SESTD1: variants seen among roughly 807,000 people sequenced by gnomAD.
SESTD1 encodes SEC14 domain and spectrin repeat-containing protein 1.
Under a neutral mutation model 101.7 loss-of-function variants are expected in SESTD1, and 43 were observed. The observed-to-expected ratio is 0.42, with a 90% confidence interval of 0.33 to 0.55. SESTD1 has a LOEUF of 0.55. SESTD1 is among the 20% of genes least tolerant of loss of function. The probability of loss-of-function intolerance (pLI) is 0.07; values close to 1 mark genes in which losing one functional copy is unlikely to be tolerated. For missense variants in SESTD1, 647 were observed against 815.1 expected (o/e 0.79, Z 2.51); for synonymous variants, 283 against 286.8 (o/e 0.99, Z 0.13).
chr2:179,227,618 T>G lies in SESTD1; in HGVS notation c.-25-35752A>C, dbSNP rs568448983. 2.2e-3 allele frequency among the ~76,000 whole-genome samples: 339 copies of G among 152,294 alleles called. 3 individuals carry two copies. The highest frequency in any genetic ancestry group is 7.5e-3 in the African/African-American group (313 of 41,584). On this transcript the variant is annotated intron_variant, in intron 1 of 17. Coordinates refer to ENST00000428443, the MANE Select transcript of SESTD1 (RefSeq NM_178123.5). ...TTTAAAAATACGGAACTATGATAAT[T>G]GTTTCCTTTACAAAAAATGATTTAA...
Position 179,121,756 on chromosome 2 carries a change from C to T in SESTD1, c.1442+14G>A, listed in dbSNP as rs774624693. 26 of 1,548,110 alleles carry T rather than the reference C, an allele frequency of 1.7e-5. No homozygotes were observed. In the South Asian group the frequency reaches 2.0e-4, roughly 12 times the overall value. On this transcript the variant is annotated intron_variant, in intron 13 of 17. Transcript: ENST00000428443. ...TATTATTTTAGTAAAAAGTAATTAA[C>T]GGTCAAACTTTGCCTTTGTTTTCTA...
chr2:179,169,718 A>AT (rs2045897585), intron 5 of SESTD1, among the ~76,000 whole-genome samples: 1 of 152,282 alleles, frequency 6.6e-6, no homozygotes, highest in African/African-American at 2.4e-5. Context: ...ACGGTGCCTC[A>AT]TGCCTGTAAT....
chr2:179,242,959 A>C (rs1462776016), intron 1 of SESTD1, among the ~76,000 whole-genome samples: 1 of 152,220 alleles, frequency 6.6e-6, no homozygotes, highest in Admixed American at 6.5e-5. Flanking sequence ...GTGGTACCTA[A>C]TTAAACTAAA....
chr2:179,155,473 G>A (rs1046839121), intron 5 of SESTD1, among the ~76,000 whole-genome samples: 5 of 151,928 alleles, frequency 3.3e-5, no homozygotes, highest in Admixed American at 6.6e-5. Flanking sequence ...AATGCAGGCC[G>A]GGCATGGTGG....
At chr2:179,127,524 T>C (rs895403702) in intron 10 of SESTD1, among the ~76,000 whole-genome samples, 9 of 152,206 alleles carry the variant, frequency 5.9e-5, no homozygotes, top group African/African-American at 2.2e-4. Flanking sequence ...GAGGGTGATT[T>C]TGTCACTCAG....
chr2:179,214,856 A>C (rs1199156551), intron 1 of SESTD1, among the ~76,000 whole-genome samples: 1 of 135,546 alleles, frequency 7.4e-6, no homozygotes, highest in Admixed American at 7.2e-5. Context: ...ACTCAACTAC[A>C]TGGAAACTGA....
chr2:179,196,963 A>G (rs1324047557), intron 1 of SESTD1, among the ~76,000 whole-genome samples: 1 of 152,242 alleles, frequency 6.6e-6, no homozygotes, highest in Non-Finnish European at 1.5e-5. Context: ...ACGGAGAATG[A>G]TTTTGATGAG....
chr2:179,111,844 C>T (rs953538583), intron 17 of SESTD1, among the ~76,000 whole-genome samples: 16 of 151,742 alleles, frequency 1.1e-4, no homozygotes, highest in South Asian at 2.1e-4. Flanking sequence ...CTCAGCCTCC[C>T]GAGTAGCTGG....
intron 1 of SESTD1, among the ~76,000 whole-genome samples, chr2:179,258,733 A>T (rs528601354): frequency 6.6e-6 from 1 of 152,136 alleles, no homozygotes; most frequent in African/African-American, 2.4e-5. Flanking sequence ...CTGACCACTA[A>T]CTTACAATTT....
At chr2:179,170,410 A>G (rs2105472748) in intron 5 of SESTD1, among the ~76,000 whole-genome samples, 1 of 152,318 alleles carries the variant, frequency 6.6e-6, no homozygotes, top group African/African-American at 2.4e-5. Flanking sequence ...TTTAAAAAAT[A>G]GGTAAGAGAT....
chr2:179,113,387 CTTGAG>C (rs888699786), intron 16 of SESTD1, among the ~76,000 whole-genome samples: 25 of 152,268 alleles, frequency 1.6e-4, no homozygotes, highest in Admixed American at 1.2e-3. Flanking sequence ...GATCTGCTGG[CTTGAG>C]TTAACTGCCA....
intron 1 of SESTD1, among the ~76,000 whole-genome samples, chr2:179,219,366 C>T (rs1209869072): frequency 6.6e-6 from 1 of 152,198 alleles, no homozygotes; most frequent in Non-Finnish European, 1.5e-5. Context: ...CTTCAAGGAG[C>T]ATTTCTTAAC....
At chr2:179,175,662 C>T (rs894065090) in intron 4 of SESTD1, among the ~76,000 whole-genome samples, 48 of 152,146 alleles carry the variant, frequency 3.2e-4, no homozygotes, top group Admixed American at 8.5e-4. Context: ...AGCCCTTCTA[C>T]AGAAGGCCAA....
intron 17 of SESTD1, among the ~76,000 whole-genome samples, chr2:179,111,889 T>A (rs2044517039): frequency 6.6e-6 from 1 of 151,848 alleles, no homozygotes. Context: ...CCAGCTAATT[T>A]TTTGTCTTTT....
At position 179,229,749 on chromosome 2, in the gene SESTD1, TTATATATATATATA is replaced by T. The variant is rs71023472; in HGVS notation, c.-26+34736_-26+34749del. On this transcript the variant is annotated intron_variant, in intron 1 of 17. Coordinates refer to ENST00000428443, the MANE Select transcript of SESTD1 (RefSeq NM_178123.5). ...AAGAAATTTAAGATTTTGTAAGAAC[TTATATATATATATA>T]TATATATATATACTCAAATACACAC... 5.7e-4 allele frequency among the ~76,000 whole-genome samples: 61 copies of T among 106,358 alleles called. 2 individuals are homozygous for T. In the South Asian group the frequency reaches 0.016, roughly 27 times the overall value. 69.8% of individuals were successfully genotyped at this position (106,358 alleles called of 152,430 possible).
chr2:179,180,951 G>A (rs971666927), intron 3 of SESTD1, among the ~76,000 whole-genome samples: 2 of 152,114 alleles, frequency 1.3e-5, no homozygotes, highest in South Asian at 2.1e-4. Flanking sequence ...ATTTGAGAAG[G>A]CCAAACTTTA....
intron 5 of SESTD1, among the ~76,000 whole-genome samples, chr2:179,169,552 T>C (rs1264055393): frequency 3.3e-5 from 5 of 152,160 alleles, no homozygotes; most frequent in Admixed American, 2.0e-4. Context: ...AACATTACCA[T>C]GGATAGAGAA....
chr2:179,126,999 T>C (rs2154394176), intron 10 of SESTD1, among the ~76,000 whole-genome samples: 1 of 152,334 alleles, frequency 6.6e-6, no homozygotes, highest in Non-Finnish European at 1.5e-5. Context: ...TAGCCGGTGA[T>C]TTGCTTAAAA....
At chr2:179,119,461 T>C (rs945634836) in intron 13 of SESTD1, among the ~76,000 whole-genome samples, 1 of 152,206 alleles carries the variant, frequency 6.6e-6, no homozygotes, top group South Asian at 2.1e-4. Flanking sequence ...GGTTTTGGAT[T>C]TGTGTCCCCA....
Sources: gnomAD v4.1 joint callset for allele counts (sites outside exome capture counted in the v4.1 genomes callset) on GRCh38, gnomAD v4.1.1 for gene constraint, MANE v1.5 for transcripts, NCBI Gene and HGNC (gene_info 2026-07-23, HGNC 2026-07-21) for gene names.